The following DRC9 variants were observed in gnomAD, a reference collection of about 807,000 sequenced individuals.
DRC9 encodes dynein regulatory complex subunit 9, also known as dynein regulatory complex protein 9.
At chr3:197,920,673 A>G in the DRC9 span, among the ~76,000 whole-genome samples, 2 of 152,194 alleles carry the variant, frequency 1.3e-5, no homozygotes, top group Admixed American at 6.5e-5. Flanking sequence ...ATTGTAAATA[A>G]TATATATAAA....
At chr3:197,952,373 T>C in the DRC9 span, among the ~76,000 whole-genome samples, 4 of 152,058 alleles carry the variant, frequency 2.6e-5, no homozygotes, top group African/African-American at 4.8e-5. Context: ...TTTCACCATT[T>C]TGGCCAGGCT....
chr3:197,949,970 C>T, the DRC9 span: 1 of 473,416 alleles, frequency 2.1e-6, no homozygotes, highest in Non-Finnish European at 3.4e-6. Context: ...ATTTAGCTGG[C>T]TACCATTTTG....
At chr3:197,946,269 A>T in the DRC9 span, among the ~76,000 whole-genome samples, 1 of 151,832 alleles carries the variant, frequency 6.6e-6, no homozygotes, top group South Asian at 2.1e-4. Flanking sequence ...CCCCGTCTCT[A>T]CTAAAAATAC....
At chr3:197,959,767 T>G in the DRC9 span, 2 of 156,664 alleles carry the variant, frequency 1.3e-5, no homozygotes, top group South Asian at 3.7e-4. Context: ...TCATAGATTT[T>G]TATAGGAAAT....
the DRC9 span, among the ~76,000 whole-genome samples, chr3:197,924,917 A>G: frequency 1.3e-5 from 2 of 152,312 alleles, no homozygotes; most frequent in Non-Finnish European, 2.9e-5. Context: ...TTTGTTTTGC[A>G]AGTCAATTCC....
chr3:197,922,089 G>T, the DRC9 span, among the ~76,000 whole-genome samples: 875 of 152,280 alleles, frequency 5.7e-3, 6 homozygotes, highest in Middle Eastern at 0.014. Context: ...TTGTTCCAAG[G>T]CTTGCCTTGG....
chr3:197,951,134 A>C, the DRC9 span: 13 of 1,613,784 alleles, frequency 8.1e-6, no homozygotes, highest in Admixed American at 2.2e-4. Context: ...CTTATGTTTC[A>C]TGTTGTGTAT....
the DRC9 span, among the ~76,000 whole-genome samples, chr3:197,925,587 GT>G: frequency 0.71 from 90,677 of 127,412 alleles, 32,740 homozygotes; most frequent in African/African-American, 0.91. Context: ...TATATCTTCT[GT>G]TTTTTTTTTT....
chr3:197,931,343 G>A, the DRC9 span, among the ~76,000 whole-genome samples: 1 of 151,852 alleles, frequency 6.6e-6, no homozygotes, highest in Non-Finnish European at 1.5e-5. Context: ...TTAGCCAGGC[G>A]TGGTGGCAGG....
chr3:197,943,661 G>T, the DRC9 span: 1 of 934,096 alleles, frequency 1.1e-6, no homozygotes, highest in African/African-American at 1.7e-5. Flanking sequence ...AAGAAACAAA[G>T]AAGGAAAGAG....
the DRC9 span, chr3:197,889,454 C>T: frequency 1.2e-4 from 129 of 1,099,784 alleles, no homozygotes; most frequent in South Asian, 1.6e-3. Context: ...ATCAGGCTTC[C>T]CTGGGAAAGT....
chr3:197,889,597 T>A, the DRC9 span: 24 of 1,614,246 alleles, frequency 1.5e-5, no homozygotes, highest in Middle Eastern at 1.6e-4. Flanking sequence ...TTCTTGCCTC[T>A]CCTCTTATCC....
chr3:197,950,366 A>G, the DRC9 span: 2 of 1,215,586 alleles, frequency 1.6e-6, no homozygotes, highest in East Asian at 3.3e-5. Flanking sequence ...AACAGGATGG[A>G]GGAGATGTTG....
chr3:197,955,769 T>G, the DRC9 span: 2 of 1,606,156 alleles, frequency 1.2e-6, no homozygotes, highest in Non-Finnish European at 8.5e-7. Context: ...CCCTCAAGGA[T>G]TTAAACTAAC....
At chr3:197,949,135 A>C in the DRC9 span, among the ~76,000 whole-genome samples, 1 of 152,030 alleles carries the variant, frequency 6.6e-6, no homozygotes, top group South Asian at 2.1e-4. Flanking sequence ...CGTGTCATCT[A>C]TTTTTACTTG....
At chr3:197,933,819 A>AT in the DRC9 span, among the ~76,000 whole-genome samples, 3,968 of 148,614 alleles carry the variant, frequency 0.027, 208 homozygotes, top group African/African-American at 0.094. Flanking sequence ...TTTTTATTTC[A>AT]TTTTTTTTTG....
chr3:197,938,941 T>C, the DRC9 span: 1 of 613,220 alleles, frequency 1.6e-6, no homozygotes, highest in East Asian at 2.8e-5. Context: ...ACACGCGCCC[T>C]GCTGCTAACT....
chr3:197,903,498 TGGCA>T, the DRC9 span, among the ~76,000 whole-genome samples: 1,175 of 152,222 alleles, frequency 7.7e-3, 2 homozygotes, highest in South Asian at 0.016. Flanking sequence ...TAGCCGGGCA[TGGCA>T]GTGCACTCCT....
chr3:197,941,846 C>T, the DRC9 span, among the ~76,000 whole-genome samples: 1 of 152,002 alleles, frequency 6.6e-6, no homozygotes, highest in South Asian at 2.1e-4. Context: ...ATTTTTTATT[C>T]TTGCTGAAGG....
Sources: allele counts gnomAD v4.1 joint callset (sites outside exome capture counted in the v4.1 genomes callset), GRCh38; gene constraint gnomAD v4.1.1; transcripts MANE v1.5; gene names NCBI Gene and HGNC (gene_info 2026-07-23, HGNC 2026-07-21).